GNA14: variants seen among roughly 807,000 people sequenced by gnomAD.
The protein encoded by GNA14 is G protein subunit alpha 14.
A neutral mutation model predicts 42.0 loss-of-function variants in GNA14; 50 were observed. The ratio of observed to expected loss-of-function variants is 1.19; its 90% CI spans 0.95 to 1.51. The LOEUF (loss-of-function observed/expected upper bound fraction) is 1.51. Ranked by LOEUF, GNA14 falls within the 40% of genes most tolerant of loss-of-function variation. GNA14 has a pLI of 0.00. For synonymous variants in GNA14, 173 were observed against 163.1 expected (o/e 1.06, Z -0.46); for missense variants, 473 against 446.2 (o/e 1.06, Z -0.54).
intron 1 of GNA14, among the ~76,000 whole-genome samples, chr9:77,641,955 T>C (rs1396421821): frequency 6.6e-6 from 1 of 152,218 alleles, no homozygotes; most frequent in Non-Finnish European, 1.5e-5. Flanking sequence ...AGGGCATACC[T>C]ATGTTGTTTG....
chr9:77,623,602 G>A (rs1030420333), intron 1 of GNA14, among the ~76,000 whole-genome samples: 2 of 152,234 alleles, frequency 1.3e-5, no homozygotes, highest in East Asian at 1.9e-4. Context: ...GGTTAGAGTG[G>A]GTGCAACGCA....
intron 1 of GNA14, among the ~76,000 whole-genome samples, chr9:77,559,871 T>C (rs950591229): frequency 2.6e-5 from 4 of 152,224 alleles, no homozygotes; most frequent in Admixed American, 2.0e-4. Flanking sequence ...TATAAACTGT[T>C]GAGCTAAACC....
chr9:77,460,954 T>C (rs1836094298), intron 2 of GNA14, among the ~76,000 whole-genome samples: 1 of 152,170 alleles, frequency 6.6e-6, no homozygotes, highest in Non-Finnish European at 1.5e-5. Context: ...ATCACAGACG[T>C]CAAGGGCTCA....
At chr9:77,434,612 G>T in intron 2 of GNA14, 90 bp from the exon 3 acceptor site, 1 of 1,161,464 alleles carries the variant, frequency 8.6e-7, no homozygotes. Context: ...CTGGTCTGTG[G>T]ATTTGGAGAG....
At chr9:77,493,374 T>TA (rs1836819714) in intron 2 of GNA14, among the ~76,000 whole-genome samples, 1 of 151,866 alleles carries the variant, frequency 6.6e-6, no homozygotes, top group African/African-American at 2.4e-5. Flanking sequence ...TTATGTATTT[T>TA]AAAAAATTAC....
chr9:77,595,996 C>T (rs1442525451), intron 1 of GNA14, among the ~76,000 whole-genome samples: 1 of 152,026 alleles, frequency 6.6e-6, no homozygotes, highest in Non-Finnish European at 1.5e-5. Context: ...TCCCTCAGAC[C>T]TGCAGGGAGG....
At chr9:77,463,064 G>A (rs1836142454) in intron 2 of GNA14, among the ~76,000 whole-genome samples, 1 of 152,174 alleles carries the variant, frequency 6.6e-6, no homozygotes, top group South Asian at 2.1e-4. Flanking sequence ...GAGAGGGGGT[G>A]TCAGATCACT....
At chr9:77,581,866 G>A (rs80016568) in intron 1 of GNA14, among the ~76,000 whole-genome samples, 3,455 of 152,146 alleles carry the variant, frequency 0.023, 58 homozygotes, top group Middle Eastern at 0.068. Flanking sequence ...CAGGGAGGAC[G>A]GGCCAAGCTT....
rs1164306583 is a variant in GNA14 at position 77,610,602 on chromosome 9, AAG to A, written c.124+37066_124+37067del. On this transcript the variant is annotated intron_variant, in intron 1 of 6. Transcript: ENST00000341700. ...ATTAGAGTTTTAACATATAAATTTT[AAG>A]AGAGATACAAACTTTTATTCCATAA... 2.0e-5 allele frequency among the ~76,000 whole-genome samples: 3 copies of A among 151,490 alleles called. No individual in the cohort carries two copies. In the South Asian group the frequency reaches 6.2e-4, roughly 31 times the overall value.
chr9:77,478,324 A>C (rs2131726493), intron 2 of GNA14, among the ~76,000 whole-genome samples: 1 of 152,202 alleles, frequency 6.6e-6, no homozygotes, highest in East Asian at 1.9e-4. Flanking sequence ...GATGATTTCC[A>C]ATTTCATCCA....
chr9:77,562,850 G>A (rs1185760266), intron 1 of GNA14, among the ~76,000 whole-genome samples: 1 of 152,002 alleles, frequency 6.6e-6, no homozygotes, highest in Non-Finnish European at 1.5e-5. Flanking sequence ...ATGAAATGCT[G>A]GGTCCCATTC....
intron 1 of GNA14, among the ~76,000 whole-genome samples, chr9:77,637,445 G>A (rs1824200602): frequency 6.6e-6 from 1 of 152,176 alleles, no homozygotes; most frequent in South Asian, 2.1e-4. Context: ...CAACTTCAGA[G>A]AAAATTTAAA....
intron 1 of GNA14, among the ~76,000 whole-genome samples, chr9:77,626,649 A>C (rs944041684): frequency 6.6e-6 from 1 of 152,234 alleles, no homozygotes; most frequent in Non-Finnish European, 1.5e-5. Context: ...CTAGGTAAAT[A>C]ATGAAATTAA....
At chr9:77,480,504 A>T (rs1836524400) in intron 2 of GNA14, among the ~76,000 whole-genome samples, 1 of 152,110 alleles carries the variant, frequency 6.6e-6, no homozygotes. Flanking sequence ...ATATTCATCT[A>T]AAATTCTTTT....
intron 1 of GNA14, among the ~76,000 whole-genome samples, chr9:77,531,319 C>T (rs1026789273): frequency 2.0e-5 from 3 of 152,148 alleles, no homozygotes; most frequent in East Asian, 1.9e-4. Context: ...ATGAATTGAA[C>T]AAGGATAAAC....
intron 2 of GNA14, among the ~76,000 whole-genome samples, chr9:77,504,664 T>TC (rs986887417): frequency 7.4e-6 from 1 of 134,554 alleles, no homozygotes; most frequent in Admixed American, 7.3e-5. Flanking sequence ...GGCCGACTTT[T>TC]TTTTTTTTTT....
intron 2 of GNA14, among the ~76,000 whole-genome samples, chr9:77,463,444 C>G (rs955042940): frequency 1.3e-5 from 2 of 152,242 alleles, no homozygotes; most frequent in Admixed American, 1.3e-4. Context: ...AGTTCTCAGA[C>G]AGATGCTAAC....
At chr9:77,575,061 C>T (rs779050701) in intron 1 of GNA14, among the ~76,000 whole-genome samples, 16 of 152,202 alleles carry the variant, frequency 1.1e-4, no homozygotes, top group Admixed American at 2.0e-4. Context: ...CTAAGTACAG[C>T]TGGAGACACA....
intron 1 of GNA14, among the ~76,000 whole-genome samples, chr9:77,591,113 G>A (rs145509062): frequency 1.3e-5 from 2 of 152,310 alleles, no homozygotes; most frequent in African/African-American, 4.8e-5. Context: ...AAGGCAGACA[G>A]TGCACTGAAA....
Sources: allele counts gnomAD v4.1 joint callset (sites outside exome capture counted in the v4.1 genomes callset), GRCh38; gene constraint gnomAD v4.1.1; transcripts MANE v1.5; gene names NCBI Gene and HGNC (gene_info 2026-07-23, HGNC 2026-07-21).